The following VPS13B variants were observed in gnomAD, a reference collection of about 807,000 sequenced individuals.
VPS13B encodes the protein vacuolar protein sorting 13 homolog B.
In VPS13B, 285 loss-of-function variants were observed where a neutral mutation model predicts 426.4. The ratio of observed to expected loss-of-function variants is 0.67; its 90% CI spans 0.61 to 0.74. VPS13B has a LOEUF of 0.74. VPS13B is among the 30% of genes least tolerant of loss of function. The pLI, the probability that VPS13B is intolerant of heterozygous loss-of-function variation, is 0.00. For missense variants in VPS13B, 4,537 were observed against 4,782.6 expected (o/e 0.95, Z 1.51); for synonymous variants, 1,676 against 1,676.4 (o/e 1.00, Z 0.01).
At chr8:99,492,803 C>T (rs1450322803) in intron 25 of VPS13B, among the ~76,000 whole-genome samples, 1 of 152,086 alleles carries the variant, frequency 6.6e-6, no homozygotes, top group Non-Finnish European at 1.5e-5. Flanking sequence ...AAGGGAAATC[C>T]CCCAACCCCT....
intron 19 of VPS13B, among the ~76,000 whole-genome samples, chr8:99,298,353 T>C (rs1403565609): frequency 6.6e-6 from 1 of 152,082 alleles, no homozygotes; most frequent in Non-Finnish European, 1.5e-5. Context: ...CTGGGTGTGG[T>C]AGCACATGCC....
At chr8:99,361,540 G>A (rs2038472773) in intron 19 of VPS13B, among the ~76,000 whole-genome samples, 1 of 152,152 alleles carries the variant, frequency 6.6e-6, no homozygotes, top group Admixed American at 6.5e-5. Flanking sequence ...AGACCAGCTT[G>A]ATTAAATTAT....
intron 39 of VPS13B, among the ~76,000 whole-genome samples, chr8:99,729,749 A>G (rs1162725745): frequency 2.0e-5 from 3 of 152,232 alleles, no homozygotes; most frequent in African/African-American, 7.2e-5. Context: ...CTACTTGTCC[A>G]CAGACTGAAC....
chr8:99,819,362 C>T, intron 47 of VPS13B, 50 bp from the exon 48 acceptor site: 1 of 1,593,790 alleles, frequency 6.3e-7, no homozygotes, highest in Non-Finnish European at 8.6e-7. Context: ...AAATTATATA[C>T]CACTTTAGAA....
intron 22 of VPS13B, among the ~76,000 whole-genome samples, chr8:99,438,988 G>A (rs1817546294): frequency 6.6e-6 from 1 of 152,092 alleles, no homozygotes; most frequent in South Asian, 2.1e-4. Context: ...AACACTTACT[G>A]TGTTAAATAT....
At chr8:99,159,422 A>G (rs1811524684) in intron 15 of VPS13B, among the ~76,000 whole-genome samples, 2 of 152,202 alleles carry the variant, frequency 1.3e-5, no homozygotes, top group Non-Finnish European at 2.9e-5. Flanking sequence ...ACTACTGTTA[A>G]AATGCCATCA....
intron 39 of VPS13B, among the ~76,000 whole-genome samples, chr8:99,742,601 G>A (rs1467906705): frequency 2.0e-5 from 3 of 152,116 alleles, no homozygotes; most frequent in Non-Finnish European, 4.4e-5. Context: ...ACCGTATCCA[G>A]CAGCACATCA....
chr8:99,391,709 G>T lies in VPS13B; in HGVS notation c.3082+5G>T. Reference sequence around the variant, plus strand: ...TAAAAACAAAAACGGTAACAGGTATGTGTCAAGTACTGTAAAGGGACTATG... The same window carrying T: ...TAAAAACAAAAACGGTAACAGGTATTTGTCAAGTACTGTAAAGGGACTATG... On this transcript the variant is annotated splice_donor_5th_base_variant and intron_variant, in intron 21 of 61. Coordinates refer to ENST00000357162, the MANE Select transcript of VPS13B (RefSeq NM_152564.5). The T allele has an allele frequency of 6.2e-7, 1 of 1,613,908 alleles. No homozygotes were observed.
intron 19 of VPS13B, among the ~76,000 whole-genome samples, chr8:99,329,678 T>C (rs1348742591): frequency 1.3e-5 from 2 of 152,120 alleles, no homozygotes; most frequent in Non-Finnish European, 2.9e-5. Flanking sequence ...CTAAGCATTC[T>C]CAGTGAACTT....
At chr8:99,180,806 A>G (rs1007206037) in intron 16 of VPS13B, among the ~76,000 whole-genome samples, 11 of 152,214 alleles carry the variant, frequency 7.2e-5, no homozygotes, top group Admixed American at 2.0e-4. Flanking sequence ...ATTCACAAAT[A>G]AAAGCAACGT....
chr8:99,317,215 G>A (rs1042045086), intron 19 of VPS13B, among the ~76,000 whole-genome samples: 4 of 152,114 alleles, frequency 2.6e-5, no homozygotes, highest in African/African-American at 9.7e-5. Flanking sequence ...TTTAGTGAGT[G>A]GGTATGGATC....
intron 39 of VPS13B, among the ~76,000 whole-genome samples, chr8:99,730,280 G>A (rs1833539145): frequency 6.6e-6 from 1 of 152,124 alleles, no homozygotes; most frequent in South Asian, 2.1e-4. Context: ...AAAAAGGCCT[G>A]GGGGCTTTGG....
intron 22 of VPS13B, among the ~76,000 whole-genome samples, chr8:99,434,131 A>G (rs1817255184): frequency 6.6e-6 from 1 of 152,208 alleles, no homozygotes; most frequent in Non-Finnish European, 1.5e-5. Flanking sequence ...ACATTAAAAA[A>G]TATATGACAC....
intron 30 of VPS13B, among the ~76,000 whole-genome samples, chr8:99,534,419 G>A (rs899447176): frequency 1.3e-5 from 2 of 152,226 alleles, no homozygotes; most frequent in East Asian, 1.9e-4. Flanking sequence ...CATGTTAGAA[G>A]CTACAGAATA....
At chr8:99,874,192 G>C (rs533697529) in intron 61 of VPS13B, among the ~76,000 whole-genome samples, 1 of 152,144 alleles carries the variant, frequency 6.6e-6, no homozygotes, top group African/African-American at 2.4e-5. Flanking sequence ...CACAACAGGG[G>C]TTTTCCTGTG....
intron 37 of VPS13B, 28 bp from the exon 38 acceptor site, chr8:99,720,317 C>A (rs751470852): frequency 6.3e-7 from 1 of 1,578,614 alleles, no homozygotes; most frequent in South Asian, 1.1e-5. Flanking sequence ...TATTTAAAAG[C>A]TACTAGAATT....
At chr8:99,349,355 A>AAAAAAAAAT in intron 19 of VPS13B, among the ~76,000 whole-genome samples, 1 of 149,510 alleles carries the variant, frequency 6.7e-6, no homozygotes, top group Non-Finnish European at 1.5e-5. Context: ...AAAAAAAAAA[A>AAAAAAAAAT]GAAAATAGCA....
chr8:99,630,885 T>C (rs369365966), intron 33 of VPS13B, among the ~76,000 whole-genome samples: 24 of 151,982 alleles, frequency 1.6e-4, no homozygotes, highest in African/African-American at 5.3e-4. Flanking sequence ...AGTGAGAAAG[T>C]AAAAAGGAAA....
intron 22 of VPS13B, among the ~76,000 whole-genome samples, chr8:99,433,439 A>G (rs1817218164): frequency 6.6e-6 from 1 of 152,214 alleles, no homozygotes; most frequent in Non-Finnish European, 1.5e-5. Context: ...ATTAGAAACA[A>G]TGGAGGCCAG....
Sources: gnomAD v4.1 joint callset for allele counts (sites outside exome capture counted in the v4.1 genomes callset) on GRCh38, gnomAD v4.1.1 for gene constraint, MANE v1.5 for transcripts, NCBI Gene and HGNC (gene_info 2026-07-23, HGNC 2026-07-21) for gene names.